The following FHL2 variants were observed in gnomAD, a reference collection of about 807,000 sequenced individuals.
FHL2 encodes the protein four and a half LIM domains protein 2.
A neutral mutation model predicts 32.7 loss-of-function variants in FHL2; 20 were observed. That is an observed-to-expected ratio of 0.61 (90% CI 0.43 to 0.89). The LOEUF is 0.89. Ranked by LOEUF, FHL2 falls within the 40% of genes least tolerant of loss-of-function variation. The pLI is 0.00. For missense variants in FHL2, 311 were observed against 358.6 expected (o/e 0.87, Z 1.07); for synonymous variants, 123 against 128.1 (o/e 0.96, Z 0.27).
rs1350694236 is a variant in FHL2, at chr2:105,386,957, G to T, written c.-24-417C>A. Among the ~76,000 whole-genome samples, 3 of 151,900 alleles carry T rather than the reference G, an allele frequency of 2.0e-5. No homozygotes were observed. In the East Asian group the frequency reaches 5.8e-4, roughly 30 times the overall value. On this transcript the variant is annotated intron_variant, in intron 2 of 6. Coordinates refer to ENST00000530340, the MANE Select transcript of FHL2 (RefSeq NM_001318895.3). ...CTTTTATATTTTTAGTAGAGACAGG[G>T]TTTTACCATGTTGGCTAGGCTGGTC...
At chr2:105,388,364 A>G (rs1010830493) in intron 2 of FHL2, among the ~76,000 whole-genome samples, 2 of 152,174 alleles carry the variant, frequency 1.3e-5, no homozygotes, top group Non-Finnish European at 2.9e-5. Flanking sequence ...TCTTATGACC[A>G]TTCCTATAAA....
chr2:105,407,007 C>A (rs1198183315), intron 1 of FHL2, among the ~76,000 whole-genome samples: 1 of 152,230 alleles, frequency 6.6e-6, no homozygotes, highest in Non-Finnish European at 1.5e-5. Context: ...AGACTGTGAG[C>A]TCCTTAGGGG....
At chr2:105,415,835 G>A (rs1683916203) in intron 1 of FHL2, among the ~76,000 whole-genome samples, 2 of 152,200 alleles carry the variant, frequency 1.3e-5, no homozygotes, top group Admixed American at 6.5e-5. Context: ...CCTTGGAACC[G>A]AATGGTACCC....
At chr2:105,431,287 C>T (rs1684423881) in intron 1 of FHL2, among the ~76,000 whole-genome samples, 1 of 152,164 alleles carries the variant, frequency 6.6e-6, no homozygotes. Context: ...AGAGTCTCTG[C>T]ATTCATTGGA....
rs1680221274 is a variant in FHL2 at position 105,361,121 on chromosome 2, C to A, written c.*162G>T. ...CTCTTTCCCTGGGACTGAACTATCA[C>A]AAAGCACTAAAGGGTTTAAGCAAAC... is the stretch of plus-strand genomic sequence containing the variant. On this transcript the variant is annotated 3_prime_UTR_variant, in exon 7 of 7. Coordinates refer to ENST00000530340, the MANE Select transcript of FHL2 (RefSeq NM_001318895.3). 1.5e-6 allele frequency: 1 copy of A among 648,214 alleles called. No individual in the cohort carries two copies. The highest frequency in any genetic ancestry group is 2.5e-5 in the South Asian group (1 of 40,676). The allele number at this position is 648,214 out of a possible 1,614,324, so 40.2% of individuals were successfully genotyped here. A position where few individuals can be genotyped will look rare whatever the true frequency, so the allele number is the denominator to read the frequency against.
In FHL2 at chr2:105,419,026, G is replaced by C. The variant is rs200486668; in HGVS notation, c.-25+19373C>G. ...ATCCCCACCAGATAAGGGGAGACTG[G>C]TGTGTAATATTTGTATACAAGTATT... On this transcript the variant is annotated intron_variant, in intron 1 of 5. Transcript: ENST00000393352. Among the ~76,000 whole-genome samples the C allele has an allele frequency of 5.3e-5, 8 of 152,120 alleles. No homozygotes were observed. The East Asian group carries it at 7.7e-4, about 15-fold the overall frequency.
chr2:105,394,562 C>T (rs973732588), intron 2 of FHL2, among the ~76,000 whole-genome samples: 6 of 132,158 alleles, frequency 4.5e-5, no homozygotes, highest in Non-Finnish European at 6.2e-5. Flanking sequence ...CCAGCCTGAG[C>T]AACAGAATGA....
At chr2:105,426,771 C>T (rs1684281280) in intron 1 of FHL2, among the ~76,000 whole-genome samples, 1 of 152,244 alleles carries the variant, frequency 6.6e-6, no homozygotes, top group South Asian at 2.1e-4. Context: ...CACTCCCACA[C>T]TTAGGCACAA....
At chr2:105,363,676 G>A (rs897607536) in intron 5 of FHL2, among the ~76,000 whole-genome samples, 28 of 152,222 alleles carry the variant, frequency 1.8e-4, no homozygotes, top group Non-Finnish European at 3.2e-4. Context: ...TGGCTTTCCC[G>A]TTAGTGAAAC....
At chr2:105,399,862 G>A (rs1464426185), upstream of FHL2, among the ~76,000 whole-genome samples, 9 of 152,196 alleles carry the variant, frequency 5.9e-5, no homozygotes, top group Non-Finnish European at 8.8e-5. Flanking sequence ...ACCGGTGGAC[G>A]ATGAGTAGGT....
At chr2:105,375,334 C>G (rs1681394383) in intron 3 of FHL2, 1 of 152,206 alleles carries the variant, frequency 6.6e-6, no homozygotes, top group Non-Finnish European at 1.5e-5. Flanking sequence ...TGAGGGGTGA[C>G]CTCTTGTGCT....
rs1680732400 is a variant in FHL2 at position 105,367,682 on chromosome 2, T to C, written c.389A>G (p.His130Arg). Residue 130 changes from histidine (H) to arginine (R), a missense_variant, in exon 5 of 7, where the codon CAC becomes CGC. His to Arg is a conservative substitution (Grantham distance 29). Coordinates refer to ENST00000530340, the MANE Select transcript of FHL2 (RefSeq NM_001318895.3). ...GGTTCCAATTGGCTGCTGGCAGCGG[T>C]GGCAGATGAAGCAGGTCTCATGCCA... ...SSWHETCFIC[H>R]RCQQPIGTKS... 2 of 1,614,220 alleles carry C rather than the reference T, an allele frequency of 1.2e-6. No individual in the cohort carries two copies. Among genetic ancestry groups the C allele is most frequent in the East Asian group, 2.2e-5 (1 of 44,882 alleles).
intron 5 of FHL2, 65 bp from the exon 6 acceptor site, chr2:105,363,536 A>C (rs1573275086): frequency 7.0e-7 from 1 of 1,428,232 alleles, no homozygotes; most frequent in Non-Finnish European, 9.5e-7. Flanking sequence ...AGTCTCAGCT[A>C]CTGCCACTGG....
At chr2:105,417,734 T>A (rs1164525961) in intron 1 of FHL2, among the ~76,000 whole-genome samples, 1 of 150,684 alleles carries the variant, frequency 6.6e-6, no homozygotes, top group Non-Finnish European at 1.5e-5. Flanking sequence ...AGAGGATGTG[T>A]GTGTTTAAGG....
At chr2:105,394,976 G>A (rs944917251) in intron 2 of FHL2, among the ~76,000 whole-genome samples, 5 of 152,200 alleles carry the variant, frequency 3.3e-5, no homozygotes, top group African/African-American at 1.2e-4. Flanking sequence ...TCAAATTTCT[G>A]ATCTGAAGTC....
chr2:105,418,430 A>G (rs1683998380), intron 1 of FHL2, among the ~76,000 whole-genome samples: 1 of 122,666 alleles, frequency 8.2e-6, no homozygotes, highest in South Asian at 2.4e-4. Context: ...AACAACATCA[A>G]CAAAAAAAAA....
intron 1 of FHL2, among the ~76,000 whole-genome samples, chr2:105,421,161 G>A (rs911937466): frequency 1.3e-5 from 2 of 152,232 alleles, no homozygotes; most frequent in Non-Finnish European, 2.9e-5. Flanking sequence ...CCAATGGGAA[G>A]AAAGTGAACT....
At chr2:105,431,409 T>C (rs1048042237) in intron 1 of FHL2, among the ~76,000 whole-genome samples, 13 of 152,240 alleles carry the variant, frequency 8.5e-5, no homozygotes, top group Non-Finnish European at 1.6e-4. Context: ...AGTGTCATTT[T>C]AGATGAAGTG....
In FHL2 at chr2:105,363,265, G is replaced by A; in HGVS notation, c.688+20C>T. On this transcript the variant is annotated intron_variant, in intron 6 of 6. Coordinates refer to ENST00000530340, the MANE Select transcript of FHL2 (RefSeq NM_001318895.3). Reference sequence around the variant, plus strand: ...CAAGCTTCCAATCGCCCCTGGAAATGGGAACCCCGGGACACTCACCGCTGA... The same window carrying A: ...CAAGCTTCCAATCGCCCCTGGAAATAGGAACCCCGGGACACTCACCGCTGA... 1.2e-6 allele frequency: 2 copies of A among 1,611,958 alleles called. No individual in the cohort carries two copies. The highest frequency in any genetic ancestry group is 1.7e-6 in the Non-Finnish European group (2 of 1,178,378).
Sources: gnomAD v4.1 joint callset for allele counts (sites outside exome capture counted in the v4.1 genomes callset) on GRCh38, gnomAD v4.1.1 for gene constraint, MANE v1.5 for transcripts, NCBI Gene and HGNC (gene_info 2026-07-23, HGNC 2026-07-21) for gene names.